LAMP2: variants seen among roughly 807,000 people sequenced by gnomAD.
LAMP2 encodes the protein lysosome associated membrane protein 2, also known as lysosome-associated membrane glycoprotein 2.
In LAMP2, 4 loss-of-function variants were observed where a neutral mutation model predicts 25.6. The ratio of observed to expected loss-of-function variants is 0.16; its 90% CI spans 0.08 to 0.36. The LOEUF is 0.36. LAMP2 is among the 10% of genes least tolerant of loss of function. The pLI is 1.00. For synonymous variants in LAMP2, 108 were observed against 112.7 expected, an observed-to-expected ratio of 0.96 and a Z score of 0.27; for missense variants, 272 against 301.4, an observed-to-expected ratio of 0.90 and a Z score of 0.72.
chrX:120,436,844 T>C, intron 8 of LAMP2: 1 of 737,725 alleles, frequency 1.4e-6, no homozygotes, highest in Non-Finnish European at 1.6e-6. Context: ...AAAACAGTGT[T>C]TATTAGAGGT....
chrX:120,429,972 G>C lies in LAMP2; in HGVS notation c.*1351C>G, dbSNP rs1328263172. 5.3e-6 allele frequency: 4 copies of C among 752,079 alleles called. No individual in the cohort carries two copies. Among genetic ancestry groups the C allele is most frequent in the Non-Finnish European group, 6.3e-6 (4 of 638,414 alleles). 62.0% of individuals were successfully genotyped at this position (752,079 alleles called of 1,213,427 possible). A position where few individuals can be genotyped will look rare whatever the true frequency, so the allele number is the denominator to read the frequency against. On this transcript the variant is annotated 3_prime_UTR_variant, in exon 9 of 9. Transcript: ENST00000200639. Reference sequence around the variant, plus strand: ...TTACCATTCATAAAAATGTTGCTACGGTTCTGAGTACACAACACTCATCTC... The same window carrying C: ...TTACCATTCATAAAAATGTTGCTACCGTTCTGAGTACACAACACTCATCTC...
Position 120,429,834 on chromosome X carries a change from T to C in LAMP2, c.*1489A>G, listed in dbSNP as rs1031625569. ...CCCTTTCTGTAAATAATCGTTAAGG[T>C]CCTTTCCAGTAATAGCTAATGAAAT... On this transcript the variant is annotated 3_prime_UTR_variant, in exon 9 of 9. Transcript: ENST00000200639. 1.3e-6 allele frequency: 1 copy of C among 751,516 alleles called. No homozygotes were observed. Among genetic ancestry groups the C allele is most frequent in the African/African-American group, 2.3e-5 (1 of 43,202 alleles). The allele number at this position is 751,516 out of a possible 1,213,427, so 61.9% of individuals were successfully genotyped here. A position where few individuals can be genotyped will look rare whatever the true frequency, so the allele number is the denominator to read the frequency against.
chrX:120,436,424 T>C (rs2058544972), intron 8 of LAMP2: 2 of 645,281 alleles, frequency 3.1e-6, no homozygotes, highest in South Asian at 1.6e-4. Context: ...AGTTTTTCCA[T>C]TTGAAAGAAA....
At chrX:120,458,604 T>A (rs1921199728) in intron 1 of LAMP2, among the ~76,000 whole-genome samples, 1 of 111,543 alleles carries the variant, frequency 9.0e-6, no homozygotes, top group East Asian at 2.8e-4. Flanking sequence ...TCCCCAACTC[T>A]AACTGCACAG....
chrX:120,442,478 A>G, intron 7 of LAMP2, 121 bp downstream of exon 7: 2 of 623,770 alleles, frequency 3.2e-6, no homozygotes, highest in Middle Eastern at 6.1e-4. Context: ...ATCAAGGTAC[A>G]CTTTTTACAT....
intron 8 of LAMP2, chrX:120,438,263 A>T (rs772814251): frequency 1.3e-6 from 1 of 749,032 alleles, no homozygotes; most frequent in Admixed American, 8.7e-5. Flanking sequence ...CACTATCAAC[A>T]AGAAATGTTG....
chrX:120,432,373 A>T (rs187551462), intron 8 of LAMP2, among the ~76,000 whole-genome samples: 1 of 111,183 alleles, frequency 9.0e-6, no homozygotes, highest in African/African-American at 3.3e-5. Context: ...AAGGTACTAT[A>T]TGCTCTTAGG....
At chrX:120,438,192 C>T in intron 8 of LAMP2, 1 of 752,084 alleles carries the variant, frequency 1.3e-6, no homozygotes, top group African/African-American at 2.3e-5. Context: ...AAGTGCACTT[C>T]GTTATCTAGG....
At chrX:120,460,264 C>A (rs1602542590) in intron 1 of LAMP2, among the ~76,000 whole-genome samples, 1 of 108,894 alleles carries the variant, frequency 9.2e-6, no homozygotes, top group Non-Finnish European at 1.9e-5. Context: ...CAGATAGAGA[C>A]TCCGTCTCAA....
rs770567862 is a variant in LAMP2 at position 120,438,727 on chromosome X, C to A, written c.1093+3003G>T. 6.1e-5 allele frequency: 41 copies of A among 672,922 alleles called. 1 individual carries two copies. In the East Asian group the frequency reaches 7.0e-4, roughly 11 times the overall value. The allele number at this position is 672,922 out of a possible 1,213,427, so 55.5% of individuals were successfully genotyped here. ...ACACACACACACACACACACACACA[C>A]ACACAAAAAGAGCAAAAGGAGCAAG... On this transcript the variant is annotated intron_variant, in intron 8 of 8. Coordinates refer to ENST00000200639, the MANE Select transcript of LAMP2 (RefSeq NM_002294.3).
At chrX:120,457,695 G>A (rs911902117) in intron 1 of LAMP2, among the ~76,000 whole-genome samples, 18 of 112,225 alleles carry the variant, frequency 1.6e-4, no homozygotes, top group African/African-American at 5.2e-4. Context: ...TAATTCAGAG[G>A]AGAAAAAATA....
chrX:120,430,775 C>T lies in LAMP2; in HGVS notation c.*548G>A. On this transcript the variant is annotated 3_prime_UTR_variant, in exon 9 of 9. Coordinates refer to ENST00000200639, the MANE Select transcript of LAMP2 (RefSeq NM_002294.3). ...CAAAAGTCACATAACCTTTAAAATG[C>T]TGATGGTCCTGAGGACATTCTCTAC... The T allele has an allele frequency of 4.0e-6, 3 of 754,093 alleles. No individual in the cohort carries two copies. The highest frequency in any genetic ancestry group is 3.1e-6 in the Non-Finnish European group (2 of 638,953). The allele number at this position is 754,093 out of a possible 1,213,427, so 62.1% of individuals were successfully genotyped here.
At chrX:120,441,696 C>G in intron 8 of LAMP2, 34 bp downstream of exon 8, 6 of 1,128,888 alleles carry the variant, frequency 5.3e-6, no homozygotes, top group Non-Finnish European at 3.7e-6. Context: ...AACATAAGAA[C>G]ATAAATTATT....
chrX:120,444,629 C>T (rs750869495), intron 6 of LAMP2, among the ~76,000 whole-genome samples: 36 of 111,786 alleles, frequency 3.2e-4, no homozygotes, highest in African/African-American at 1.2e-3. Flanking sequence ...TGGCACTCAT[C>T]CCATTTCATA....
chrX:120,441,242 G>A (rs73639312), intron 8 of LAMP2, among the ~76,000 whole-genome samples: 1 of 111,826 alleles, frequency 8.9e-6, no homozygotes, highest in South Asian at 3.7e-4. Context: ...TTCAAAAAGC[G>A]TCATTCACAC....
chrX:120,429,141 TATA>T lies in LAMP2; in HGVS notation c.*2179_*2181del, dbSNP rs2058511950. 1 of 692,442 alleles carries T rather than the reference TATA, an allele frequency of 1.4e-6. No individual in the cohort carries two copies. The highest frequency in any genetic ancestry group is 9.3e-5 in the Admixed American group (1 of 10,733). 57.1% of individuals were successfully genotyped at this position (692,442 alleles called of 1,213,427 possible). On this transcript the variant is annotated 3_prime_UTR_variant, in exon 9 of 9. Coordinates refer to ENST00000200639, the MANE Select transcript of LAMP2 (RefSeq NM_002294.3). ...ATGTGTATATATATGTGTGTGTGTA[TATA>T]TATGTGTGTGTGTGTACATATATAT...
chrX:120,460,235 T>C (rs1306962027), intron 1 of LAMP2, among the ~76,000 whole-genome samples: 1 of 108,727 alleles, frequency 9.2e-6, no homozygotes, highest in East Asian at 2.9e-4. Context: ...ATCGCGCCAC[T>C]GCACTCCAGC....
chrX:120,454,995 GTGTGTATATATATACTAGGATATA>G lies in LAMP2; in HGVS notation c.397+338_397+361del, dbSNP rs1377510253. On this transcript the variant is annotated intron_variant, in intron 3 of 8. Transcript: ENST00000200639. Reference sequence around the variant, plus strand: ...TATATATACATATATACTAGGATATGTGTGTATATATATACTAGGATATATGTGTATATATATATATACATATAT... The same window carrying G: ...TATATATACATATATACTAGGATATGTGTGTATATATATATATACATATAT... Among the ~76,000 whole-genome samples the G allele has an allele frequency of 3.0e-5, 3 of 99,304 alleles. No homozygotes were observed. The Admixed American group carries it at 3.4e-4, about 11-fold the overall frequency. The allele number at this position is 99,304 out of a possible 115,157, so 86.2% of individuals were successfully genotyped here.
chrX:120,436,170 A>ACACACACACTCT lies in LAMP2; in HGVS notation c.1094-4709_1094-4708insAGAGTGTGTGTG, dbSNP rs1251901451. 3.9e-3 allele frequency among the ~76,000 whole-genome samples: 224 copies of ACACACACACTCT among 57,283 alleles called. 1 individual carries two copies. Among genetic ancestry groups the ACACACACACTCT allele is most frequent in the African/African-American group, 0.011 (216 of 19,829 alleles). The allele number at this position is 57,283 out of a possible 115,157, so 49.7% of individuals were successfully genotyped here. ...CACACACACACACACACACACACAC[A>ACACACACACTCT]CTCTCTCTCTCTCTCTCTGTCTCTC... On this transcript the variant is annotated intron_variant, in intron 8 of 8. Transcript: ENST00000200639.
Sources: allele counts gnomAD v4.1 joint callset (sites outside exome capture counted in the v4.1 genomes callset), GRCh38; gene constraint gnomAD v4.1.1; transcripts MANE v1.5; gene names NCBI Gene and HGNC (gene_info 2026-07-23, HGNC 2026-07-21).